The following RETSAT variants were observed in gnomAD, a reference collection of about 807,000 sequenced individuals.
RETSAT encodes the protein retinol saturase, also known as all-trans-retinol 13,14-reductase.
A neutral mutation model predicts 61.6 loss-of-function variants in RETSAT; 35 were observed. The ratio of observed to expected loss-of-function variants is 0.57; its 90% CI spans 0.43 to 0.75. The LOEUF (loss-of-function observed/expected upper bound fraction) is 0.75. Among genes scored for constraint, RETSAT ranks in the 30% least tolerant of loss-of-function variants. The probability of loss-of-function intolerance (pLI) is 0.00; values close to 1 mark genes in which losing one functional copy is unlikely to be tolerated. For synonymous variants in RETSAT, 277 were observed against 310.4 expected (o/e 0.89, Z 1.13); for missense variants, 670 against 759.5 (o/e 0.88, Z 1.38).
At chr2:85,352,100 G>T (rs923444391) in intron 1 of RETSAT, among the ~76,000 whole-genome samples, 3 of 152,180 alleles carry the variant, frequency 2.0e-5, no homozygotes, top group Non-Finnish European at 1.5e-5. Context: ...TATGGCCCAG[G>T]ATGAAGTGCA....
At chr2:85,345,625 G>T in intron 6 of RETSAT, 1 of 386,638 alleles carries the variant, frequency 2.6e-6, no homozygotes, top group Non-Finnish European at 5.0e-6. Context: ...GCTCCCTGTG[G>T]GCTGCCTGCT....
rs1412023012 is a variant in RETSAT, at chr2:85,343,583, T to C, written c.1693+56A>G. ...GGCCTGAGGGCAGGAACAGAGGACG[T>C]TGGGCGACAGGGGCCCAGGGTCTCA... On this transcript the variant is annotated intron_variant, in intron 10 of 10. Transcript: ENST00000295802. The C allele has an allele frequency of 8.2e-5, 132 of 1,603,818 alleles. 1 individual carries two copies. The highest frequency in any genetic ancestry group is 9.9e-5 in the Non-Finnish European group (116 of 1,171,252).
At position 85,344,469 on chromosome 2, in the gene RETSAT, G is replaced by C. The variant is rs951227871; in HGVS notation, c.1257-121C>G. ...GGGGTGAAGCTGAGCCACAGCCTTGGCGTGACAAACTTCCAGGAGCAAATT... is the reference window on the plus strand; with the variant it reads ...GGGGTGAAGCTGAGCCACAGCCTTGCCGTGACAAACTTCCAGGAGCAAATT... On this transcript the variant is annotated intron_variant, in intron 7 of 10. Coordinates refer to ENST00000295802, the MANE Select transcript of RETSAT (RefSeq NM_017750.4). 3.9e-6 allele frequency: 6 copies of C among 1,528,394 alleles called. No homozygotes were observed. In the African/African-American group the frequency reaches 8.2e-5, roughly 21 times the overall value. 94.7% of individuals were successfully genotyped at this position (1,528,394 alleles called of 1,614,324 possible).
chr2:85,343,961 G>C (rs113409796), intron 9 of RETSAT, 38 bp downstream of exon 9: 4 of 1,605,442 alleles, frequency 2.5e-6, no homozygotes, highest in African/African-American at 2.7e-5. Flanking sequence ...AAACAGCACC[G>C]TGAGGTTCGT....
Position 85,350,957 on chromosome 2 carries a change from A to G in RETSAT, c.420T>C (p.Thr140=). 1 of 1,614,178 alleles carries G rather than the reference A, an allele frequency of 6.2e-7. No homozygotes were observed. Among genetic ancestry groups the G allele is most frequent in the South Asian group, 1.1e-5 (1 of 91,082 alleles). The change falls in exon 3 of 11, where the codon ACT becomes ACC. Residue 140 remains threonine, a synonymous_variant. Transcript: ENST00000295802. The part of the protein sequence containing the change: ...SIGRFILDQI[T]EGQLDWAPLS... The stretch of plus-strand genomic sequence containing the variant: ...GGGGAGCCCAGTCCAGCTGCCCTTC[A>G]GTGATCTGGTCCAAGATAAAACGGC...
In RETSAT at chr2:85,350,663, C is replaced by T. The variant is rs185932266; in HGVS notation, c.597+117G>A. The T allele has an allele frequency of 1.0e-5, 12 of 1,189,354 alleles. No homozygotes were observed. The East Asian group carries it at 1.9e-4, about 19-fold the overall frequency. The allele number at this position is 1,189,354 out of a possible 1,614,324, so 73.7% of individuals were successfully genotyped here. On this transcript the variant is annotated intron_variant, in intron 3 of 10. Transcript: ENST00000295802. ...GAGGCTGAGCTAAGAACAGATGTGA[C>T]TCTTCCTCCCTTCCTGCCTCCCGCA...
At chr2:85,349,720 G>A in intron 4 of RETSAT, 139 bp from the exon 5 acceptor site, 1 of 763,866 alleles carries the variant, frequency 1.3e-6, no homozygotes, top group Non-Finnish European at 2.2e-6. Flanking sequence ...AAGGCAGCCA[G>A]AGGAGCCTTT....
chr2:85,354,185 G>A, intron 1 of RETSAT, 151 bp downstream of exon 1: 1 of 813,252 alleles, frequency 1.2e-6, no homozygotes, highest in South Asian at 1.6e-5. Flanking sequence ...ACTAAAGCGG[G>A]GCTCCTCCAC....
chr2:85,350,243 TG>T lies in RETSAT; in HGVS notation c.598-3del. On this transcript the variant is annotated splice_polypyrimidine_tract_variant and splice_region_variant and intron_variant, in intron 3 of 10. Transcript: ENST00000295802. ...ATGAGGGGCTCCACTGGATACCACC[TG>T]GGGGAGTGAATGAGGACAGCAGGCC... The T allele has an allele frequency of 6.2e-7, 1 of 1,612,810 alleles. No individual in the cohort carries two copies. The highest frequency in any genetic ancestry group is 8.5e-7 in the Non-Finnish European group (1 of 1,179,032).
At chr2:85,351,416 G>A (rs763417892) in intron 2 of RETSAT, 10 of 468,224 alleles carry the variant, frequency 2.1e-5, no homozygotes, top group Non-Finnish European at 3.8e-5. Context: ...GGATTACTGA[G>A]TGTAATCCCA....
At chr2:85,347,587 C>T (rs1307910949) in intron 5 of RETSAT, among the ~76,000 whole-genome samples, 6 of 152,080 alleles carry the variant, frequency 3.9e-5, no homozygotes, top group South Asian at 2.1e-4. Flanking sequence ...AGGCTGGTCT[C>T]GAACTCCCAA....
intron 5 of RETSAT, among the ~76,000 whole-genome samples, chr2:85,349,051 A>ATTTTTGGGTTTTTTT (rs1322820433): frequency 0.021 from 3,065 of 145,332 alleles, 100 homozygotes; most frequent in African/African-American, 0.074. Context: ...GCCCGGCCAT[A>ATTTTTGGGTTTTTTT]TTTTTGTTTT....
chr2:85,343,970 G>A lies in RETSAT; in HGVS notation c.1533+29C>T, dbSNP rs117202378. 2.7e-3 allele frequency: 4,406 copies of A among 1,611,470 alleles called. 178 individuals carry two copies. The East Asian group carries it at 0.082, about 30-fold the overall frequency. ...GGGCAGAAACAGCACCGTGAGGTTCGTCACCACCCCAAATACTTTACCCCC... is the reference window on the plus strand; with the variant it reads ...GGGCAGAAACAGCACCGTGAGGTTCATCACCACCCCAAATACTTTACCCCC... On this transcript the variant is annotated intron_variant, in intron 9 of 10. Transcript: ENST00000295802.
At position 85,342,957 on chromosome 2, in the gene RETSAT, G is replaced by A; in HGVS notation, c.*285C>T. 1 of 329,446 alleles carries A rather than the reference G, an allele frequency of 3.0e-6. No homozygotes were observed. Among genetic ancestry groups the A allele is most frequent in the East Asian group, 5.5e-5 (1 of 18,052 alleles). 20.4% of individuals were successfully genotyped at this position (329,446 alleles called of 1,614,324 possible). ...GAGTTAGGAGGCATGGGTGAGGGAT[G>A]CAGAGCGCCGCTCGTCATGAGACAT... is the stretch of plus-strand genomic sequence containing the variant. On this transcript the variant is annotated 3_prime_UTR_variant, in exon 11 of 11. Transcript: ENST00000295802.
chr2:85,346,182 GC>G (rs1438227210), intron 5 of RETSAT, 88 bp from the exon 6 acceptor site: 2 of 1,521,156 alleles, frequency 1.3e-6, no homozygotes, highest in African/African-American at 1.4e-5. Flanking sequence ...CTCTGCCTGT[GC>G]CCATTTCTCA....
chr2:85,347,052 C>T (rs917609036), intron 5 of RETSAT, among the ~76,000 whole-genome samples: 2 of 152,198 alleles, frequency 1.3e-5, no homozygotes, highest in South Asian at 2.1e-4. Flanking sequence ...CATATCTCCA[C>T]ACCTTTGCAC....
chr2:85,344,227 G>T lies in RETSAT; in HGVS notation c.1366+12C>A. The stretch of plus-strand genomic sequence containing the variant: ...CTCCCTCCACCCCCTCACCCGGGAC[G>T]TGCAGCCCCACCTGGGAATCGGTCC... On this transcript the variant is annotated intron_variant, in intron 8 of 10. Transcript: ENST00000295802. 1.2e-6 allele frequency: 2 copies of T among 1,614,086 alleles called. No individual in the cohort carries two copies. The highest frequency in any genetic ancestry group is 8.5e-7 in the Non-Finnish European group (1 of 1,179,986).
chr2:85,350,067 C>T lies in RETSAT; in HGVS notation c.772G>A (p.Val258Ile). 6.2e-7 allele frequency: 1 copy of T among 1,613,874 alleles called. No homozygotes were observed. The highest frequency in any genetic ancestry group is 8.5e-7 in the Non-Finnish European group (1 of 1,180,012). ...TAAGTGGGGAAGATGTAGCTGAGTACTGCCTGGAGCTCAGAGGAGGCCCCC... is the reference window on the plus strand; with the variant it reads ...TAAGTGGGGAAGATGTAGCTGAGTATTGCCTGGAGCTCAGAGGAGGCCCCC... ...QLGASSELQA[V>I]LSYIFPTYGV... The change falls in exon 4 of 11, where the codon GTA becomes ATA. Residue 258 changes from valine to isoleucine, a missense_variant. By Grantham distance (29) the Val-to-Ile change is conservative. Transcript: ENST00000295802.
Position 85,346,075 on chromosome 2 carries a change from C to G in RETSAT, c.1017G>C (p.Gly339=), listed in dbSNP as rs772438394. 3 of 1,612,262 alleles carry G rather than the reference C, an allele frequency of 1.9e-6. No individual in the cohort carries two copies. In the African/African-American group the frequency reaches 4.0e-5, roughly 22 times the overall value. The change falls in exon 6 of 11, where the codon GGG becomes GGC. Residue 339 remains glycine (G), a synonymous_variant. Transcript: ENST00000295802. ...GKACGVSVKK[G]HELVNIYCPI... is the part of the protein sequence containing the mutation. ...GGCAATAGATGTTCACCAGCTCATG[C>G]CCCTTCTTCACACTGACACCTGCAG...
Sources: allele counts gnomAD v4.1 joint callset (sites outside exome capture counted in the v4.1 genomes callset), GRCh38; gene constraint gnomAD v4.1.1; transcripts MANE v1.5; gene names NCBI Gene and HGNC (gene_info 2026-07-23, HGNC 2026-07-21).